FBXO42: variants seen among roughly 807,000 people sequenced by gnomAD.
The protein encoded by FBXO42 is F-box protein 42.
FBXO42 carries 12 observed loss-of-function variants against 71.7 expected under a neutral mutation model. That is an observed-to-expected ratio of 0.17 (90% CI 0.11 to 0.27). The LOEUF is 0.27. FBXO42 is among the 10% of genes least tolerant of loss of function. The probability of loss-of-function intolerance (pLI) is 1.00; values close to 1 mark genes in which losing one functional copy is unlikely to be tolerated. For synonymous variants in FBXO42, 325 were observed against 327.5 expected (o/e 0.99, Z 0.08); for missense variants, 707 against 911.9 (o/e 0.78, Z 2.89).
At chr1:16,313,369 AAAGAG>A (rs1157389083) in intron 2 of FBXO42, among the ~76,000 whole-genome samples, 1 of 151,572 alleles carries the variant, frequency 6.6e-6, no homozygotes, top group Non-Finnish European at 1.5e-5. Context: ...AGAAAGAAAG[AAAGAG>A]AAAAGAAAGA....
At chr1:16,323,300 C>G (rs565460334) in intron 1 of FBXO42, among the ~76,000 whole-genome samples, 92 of 151,930 alleles carry the variant, frequency 6.1e-4, no homozygotes, top group African/African-American at 2.2e-3. Context: ...CACCTGTAAT[C>G]CCAGCTACTC....
chr1:16,295,979 A>G (rs1048074965), intron 3 of FBXO42, among the ~76,000 whole-genome samples: 3 of 152,222 alleles, frequency 2.0e-5, no homozygotes, highest in South Asian at 4.1e-4. Flanking sequence ...GGATCTCTAA[A>G]AAAAGCCTTC....
chr1:16,325,412 A>G (rs1412120490), intron 1 of FBXO42, among the ~76,000 whole-genome samples: 1 of 152,220 alleles, frequency 6.6e-6, no homozygotes, highest in Admixed American at 6.6e-5. Flanking sequence ...GACCAAAAAA[A>G]AAGCCTAGAA....
At chr1:16,288,206 C>T (rs533325413) in intron 4 of FBXO42, among the ~76,000 whole-genome samples, 580 of 151,546 alleles carry the variant, frequency 3.8e-3, no homozygotes, top group Non-Finnish European at 4.7e-3. Context: ...CCGAGGCAGA[C>T]GGATCACGAG....
chr1:16,310,305 G>T (rs2082300313), intron 2 of FBXO42, among the ~76,000 whole-genome samples: 1 of 151,886 alleles, frequency 6.6e-6, no homozygotes, highest in South Asian at 2.1e-4. Flanking sequence ...AGGTTGCAAT[G>T]AGCTGAGACT....
rs1318550128 is a variant in FBXO42, at chr1:16,258,607, T to C, written c.503-1848A>G. Among the ~76,000 whole-genome samples, 5 of 152,196 alleles carry C rather than the reference T, an allele frequency of 3.3e-5. No individual in the cohort carries two copies. In the South Asian group the frequency reaches 1.0e-3, roughly 31 times the overall value. On this transcript the variant is annotated intron_variant, in intron 4 of 9. Coordinates refer to ENST00000375592, the MANE Select transcript of FBXO42 (RefSeq NM_018994.3). ...CATGGGTTCAAGCAATCCTGCCGCC[T>C]TGGCCTTTCGAAGTGTTAGGATTAC...
intron 1 of FBXO42, among the ~76,000 whole-genome samples, chr1:16,347,997 AAAAAAAAAAAAAG>A (rs2082666137): frequency 6.7e-6 from 1 of 148,772 alleles, no homozygotes; most frequent in South Asian, 2.1e-4. Flanking sequence ...CGTCTCAAAA[AAAAAAAAAAAAAG>A]AAAAAAAGAA....
chr1:16,325,347 T>C (rs544091113), intron 1 of FBXO42, among the ~76,000 whole-genome samples: 2 of 152,288 alleles, frequency 1.3e-5, no homozygotes, highest in African/African-American at 4.8e-5. Flanking sequence ...TTTTAAATTC[T>C]ACATTAACGA....
At chr1:16,276,976 T>A (rs1372560269) in intron 4 of FBXO42, among the ~76,000 whole-genome samples, 1 of 152,200 alleles carries the variant, frequency 6.6e-6, no homozygotes, top group Non-Finnish European at 1.5e-5. Context: ...ACCCAATGAC[T>A]ACAAGTTAAA....
intron 1 of FBXO42, among the ~76,000 whole-genome samples, chr1:16,316,252 T>C (rs1431458902): frequency 6.6e-6 from 1 of 152,064 alleles, no homozygotes; most frequent in African/African-American, 2.4e-5. Context: ...TTAACCTTTT[T>C]CCTGTTTGCC....
intron 1 of FBXO42, among the ~76,000 whole-genome samples, chr1:16,319,866 G>C (rs939371939): frequency 6.6e-6 from 1 of 150,582 alleles, no homozygotes; most frequent in Admixed American, 6.6e-5. Context: ...AGCCGAGATT[G>C]CGCCACTGCC....
intron 4 of FBXO42, among the ~76,000 whole-genome samples, chr1:16,291,662 G>A (rs966754836): frequency 6.6e-5 from 10 of 151,990 alleles, no homozygotes; most frequent in African/African-American, 1.2e-4. Flanking sequence ...GATTGTAAGC[G>A]AGAGCCACCA....
chr1:16,302,573 A>G (rs964325819), intron 3 of FBXO42, among the ~76,000 whole-genome samples: 2 of 152,102 alleles, frequency 1.3e-5, no homozygotes, highest in African/African-American at 4.8e-5. Flanking sequence ...GCAGTGGTGC[A>G]ATCTCAGCTC....
At chr1:16,330,833 T>A (rs1243775981) in intron 1 of FBXO42, among the ~76,000 whole-genome samples, 1 of 151,882 alleles carries the variant, frequency 6.6e-6, no homozygotes, top group East Asian at 1.9e-4. Context: ...TCCCAGCTAC[T>A]CAGGAGGCTG....
At chr1:16,341,787 A>G (rs976672896) in intron 1 of FBXO42, among the ~76,000 whole-genome samples, 5 of 150,666 alleles carry the variant, frequency 3.3e-5, no homozygotes, top group Admixed American at 1.3e-4. Flanking sequence ...CCTGACCAAC[A>G]TGGAGAAAAC....
intron 1 of FBXO42, among the ~76,000 whole-genome samples, chr1:16,322,080 T>C (rs547385563): frequency 6.6e-6 from 1 of 151,832 alleles, no homozygotes; most frequent in Non-Finnish European, 1.5e-5. Context: ...GTAAAAAAAA[T>C]TACATCATTA....
At chr1:16,257,614 G>A (rs2081659663) in intron 4 of FBXO42, among the ~76,000 whole-genome samples, 1 of 152,146 alleles carries the variant, frequency 6.6e-6, no homozygotes, top group South Asian at 2.1e-4. Flanking sequence ...CACTCTACAT[G>A]TCACCTTTAG....
chr1:16,295,931 C>T (rs566673493), intron 3 of FBXO42, among the ~76,000 whole-genome samples: 8 of 152,134 alleles, frequency 5.3e-5, no homozygotes, highest in South Asian at 2.1e-4. Context: ...TGGTTGGAGC[C>T]GACTAGAAAA....
At chr1:16,274,588 GTTT>G (rs533547281) in intron 4 of FBXO42, among the ~76,000 whole-genome samples, 1 of 53,496 alleles carries the variant, frequency 1.9e-5, no homozygotes, top group African/African-American at 7.9e-5. Context: ...TTATGCCCCC[GTTT>G]TTTTTTTTTT....
Sources: allele counts gnomAD v4.1 joint callset (sites outside exome capture counted in the v4.1 genomes callset), GRCh38; gene constraint gnomAD v4.1.1; transcripts MANE v1.5; gene names NCBI Gene and HGNC (gene_info 2026-07-23, HGNC 2026-07-21).